Variants in RAPGEF5 observed in about 807,000 individuals in gnomAD.
RAPGEF5 encodes M-Ras-regulated GEF.
Under a neutral mutation model 125.2 loss-of-function variants are expected in RAPGEF5, and 65 were observed. The observed-to-expected ratio is 0.52, with a 90% CI of 0.43 to 0.64. RAPGEF5 has a LOEUF of 0.64. Ranked by LOEUF, RAPGEF5 falls within the 30% of genes least tolerant of loss-of-function variation. RAPGEF5 has a pLI of 0.00. For missense variants in RAPGEF5, 958 were observed against 1,048.1 expected, an observed-to-expected ratio of 0.91 and a Z score of 1.19; for synonymous variants, 391 against 385.9, an observed-to-expected ratio of 1.01 and a Z score of -0.16.
At chr7:22,199,907 G>T (rs138889207) in intron 9 of RAPGEF5, among the ~76,000 whole-genome samples, 3 of 152,180 alleles carry the variant, frequency 2.0e-5, no homozygotes, top group African/African-American at 7.2e-5. Context: ...GAAGCGGAGT[G>T]TATCAACAAT....
chr7:22,273,014 C>A (rs553109474), intron 6 of RAPGEF5, among the ~76,000 whole-genome samples: 1 of 152,038 alleles, frequency 6.6e-6, no homozygotes, highest in South Asian at 2.1e-4. Flanking sequence ...CCCACCTCAG[C>A]CTCCCAGAGT....
intron 7 of RAPGEF5, among the ~76,000 whole-genome samples, chr7:22,237,239 C>A (rs1380039233): frequency 6.6e-6 from 1 of 152,118 alleles, no homozygotes; most frequent in Non-Finnish European, 1.5e-5. Context: ...TAGTCAGCAA[C>A]ACAAATATCT....
chr7:22,255,443 A>G (rs1786736089), intron 7 of RAPGEF5, among the ~76,000 whole-genome samples: 1 of 151,984 alleles, frequency 6.6e-6, no homozygotes, highest in Admixed American at 6.6e-5. Flanking sequence ...AAAATTAAAA[A>G]TTATCTGGGC....
intron 17 of RAPGEF5, 72 bp from the exon 18 acceptor site, chr7:22,150,576 T>C: frequency 6.7e-7 from 1 of 1,487,100 alleles, no homozygotes; most frequent in Middle Eastern, 1.9e-4. Context: ...GCCTACACAG[T>C]ACACTTAAAA....
chr7:22,250,623 T>C (rs1345877693), intron 7 of RAPGEF5, among the ~76,000 whole-genome samples: 1 of 152,168 alleles, frequency 6.6e-6, no homozygotes, highest in East Asian at 1.9e-4. Flanking sequence ...TTGATAGCTC[T>C]TACTTGTCAA....
In RAPGEF5 at chr7:22,157,844, C is replaced by T; in HGVS notation, c.1557+11G>A. 6.2e-7 allele frequency: 1 copy of T among 1,609,634 alleles called. No individual in the cohort carries two copies. The highest frequency in any genetic ancestry group is 1.1e-5 in the South Asian group (1 of 90,916). On this transcript the variant is annotated intron_variant, in intron 15 of 25. Transcript: ENST00000665637. ...GATCACCTAATTTTAGGTATAGAAG[C>T]ATCTGCTTACCTTTTTTTGTGGTGA...
chr7:22,282,587 T>C (rs934804106), intron 6 of RAPGEF5, among the ~76,000 whole-genome samples: 2 of 152,220 alleles, frequency 1.3e-5, no homozygotes, highest in African/African-American at 4.8e-5. Context: ...AAATAATTAA[T>C]AACGCCTGTC....
chr7:22,265,747 T>G (rs1583531453), intron 7 of RAPGEF5, among the ~76,000 whole-genome samples: 1 of 152,206 alleles, frequency 6.6e-6, no homozygotes, highest in African/African-American at 2.4e-5. Context: ...TCTATTATTT[T>G]TTGTGTTTTT....
chr7:22,305,701 C>A (rs779593658), intron 5 of RAPGEF5, among the ~76,000 whole-genome samples: 6 of 152,222 alleles, frequency 3.9e-5, no homozygotes, highest in Non-Finnish European at 7.3e-5. Flanking sequence ...CACCTCCCCA[C>A]TAGTCCCCAA....
intron 5 of RAPGEF5, among the ~76,000 whole-genome samples, chr7:22,297,234 G>A (rs1783083355): frequency 6.6e-6 from 1 of 152,184 alleles, no homozygotes; most frequent in Non-Finnish European, 1.5e-5. Context: ...AGATCCTTGA[G>A]TAGGGGTGCA....
intron 1 of RAPGEF5, among the ~76,000 whole-genome samples, chr7:22,344,582 T>C (rs1171808044): frequency 6.6e-6 from 1 of 152,130 alleles, no homozygotes; most frequent in Non-Finnish European, 1.5e-5. Context: ...CCTCCTGACC[T>C]ACCACTGACT....
At chr7:22,299,893 T>C (rs1476175106) in intron 5 of RAPGEF5, among the ~76,000 whole-genome samples, 2 of 152,174 alleles carry the variant, frequency 1.3e-5, no homozygotes, top group South Asian at 2.1e-4. Flanking sequence ...TGTGTCATTT[T>C]ACTCTAGCTG....
chr7:22,302,890 A>G lies in RAPGEF5; in HGVS notation c.680+5449T>C, dbSNP rs898440557. Among the ~76,000 whole-genome samples the G allele has an allele frequency of 3.0e-4, 46 of 151,324 alleles. 1 individual carries two copies. The highest frequency in any genetic ancestry group is 3.3e-4 in the Admixed American group (5 of 15,108). On this transcript the variant is annotated intron_variant, in intron 5 of 25. Coordinates refer to ENST00000665637, the MANE Select transcript of RAPGEF5 (RefSeq NM_012294.5). The stretch of plus-strand genomic sequence containing the variant: ...TTTTCTTTCCATATTTGAGTGCAAT[A>G]TGAGTTAAATTTTAGCAGTCCTCTC...
chr7:22,340,036 G>A (rs1249275602), intron 1 of RAPGEF5, among the ~76,000 whole-genome samples: 1 of 152,146 alleles, frequency 6.6e-6, no homozygotes, highest in Non-Finnish European at 1.5e-5. Flanking sequence ...ATTGGGTGGG[G>A]TGAGGGCTTC....
intron 23 of RAPGEF5, among the ~76,000 whole-genome samples, chr7:22,132,428 C>A (rs754541010): frequency 1.5e-4 from 22 of 151,376 alleles, no homozygotes; most frequent in Admixed American, 4.0e-4. Context: ...AAACGATTCA[C>A]AACTAATTAC....
intron 7 of RAPGEF5, among the ~76,000 whole-genome samples, chr7:22,252,081 T>C (rs1786637362): frequency 6.6e-6 from 1 of 152,138 alleles, no homozygotes; most frequent in East Asian, 1.9e-4. Context: ...CTAGAAAACT[T>C]GATTCTCTCT....
intron 16 of RAPGEF5, 116 bp from the exon 17 acceptor site, chr7:22,154,720 T>G: frequency 1.6e-5 from 18 of 1,155,942 alleles, no homozygotes; most frequent in East Asian, 2.4e-5. Context: ...GGCTATTCTC[T>G]TCAGTATAAC....
intron 1 of RAPGEF5, among the ~76,000 whole-genome samples, chr7:22,333,139 CATGTT>C (rs1222039806): frequency 2.0e-5 from 3 of 152,102 alleles, no homozygotes; most frequent in Admixed American, 6.5e-5. Context: ...CTATAATTCT[CATGTT>C]AAACTGTCAC....
At chr7:22,178,364 TAC>T (rs1216993178) in intron 11 of RAPGEF5, among the ~76,000 whole-genome samples, 2 of 152,198 alleles carry the variant, frequency 1.3e-5, no homozygotes, top group East Asian at 3.8e-4. Context: ...ATTCTGACAC[TAC>T]CTGGAGATAG....
Sources: allele counts gnomAD v4.1 joint callset (sites outside exome capture counted in the v4.1 genomes callset), GRCh38; gene constraint gnomAD v4.1.1; transcripts MANE v1.5; gene names NCBI Gene and HGNC (gene_info 2026-07-23, HGNC 2026-07-21).